The following CDK14 variants were observed in gnomAD, a reference collection of about 807,000 sequenced individuals.
CDK14 encodes cyclin-dependent kinase 14.
CDK14 carries 34 observed loss-of-function variants against 60.7 expected under a neutral mutation model. The ratio of observed to expected loss-of-function variants is 0.56; its 90% CI spans 0.43 to 0.75. CDK14 has a LOEUF of 0.75. CDK14 is among the 30% of genes least tolerant of loss of function. The probability of loss-of-function intolerance (pLI) is 0.00; values close to 1 mark genes in which losing one functional copy is unlikely to be tolerated. For missense variants in CDK14, 482 were observed against 564.1 expected, an observed-to-expected ratio of 0.85 and a Z score of 1.47; for synonymous variants, 197 against 203.7, an observed-to-expected ratio of 0.97 and a Z score of 0.28.
chr7:91,071,570 G>C (rs535064742), intron 11 of CDK14, among the ~76,000 whole-genome samples: 220 of 152,344 alleles, frequency 1.4e-3, no homozygotes, highest in African/African-American at 5.1e-3. Context: ...TGCCACCGGG[G>C]CCTAGGGTCC....
At chr7:90,863,668 A>ATTG (rs549142223) in intron 6 of CDK14, among the ~76,000 whole-genome samples, 2 of 48,848 alleles carry the variant, frequency 4.1e-5, no homozygotes. Flanking sequence ...GCTTATTAAG[A>ATTG]TATGTGTGTG....
chr7:91,182,169 C>A (rs1324415532), intron 14 of CDK14, among the ~76,000 whole-genome samples: 1 of 152,104 alleles, frequency 6.6e-6, no homozygotes, highest in African/African-American at 2.4e-5. Flanking sequence ...ACACTAGCCT[C>A]AGAATGGCAA....
At chr7:91,180,018 C>G (rs1403169651) in intron 14 of CDK14, among the ~76,000 whole-genome samples, 1 of 152,046 alleles carries the variant, frequency 6.6e-6, no homozygotes, top group Non-Finnish European at 1.5e-5. Flanking sequence ...TAAATCAAGA[C>G]ATTCCAGAAA....
At chr7:90,715,396 T>A (rs7810915) in intron 2 of CDK14, among the ~76,000 whole-genome samples, 1,979 of 152,200 alleles carry the variant, frequency 0.013, 51 homozygotes, top group African/African-American at 0.045. Flanking sequence ...TCTATGAATC[T>A]GAGATCAGCC....
At chr7:91,189,038 T>C (rs1287717052) in intron 14 of CDK14, among the ~76,000 whole-genome samples, 1 of 152,232 alleles carries the variant, frequency 6.6e-6, no homozygotes, top group Non-Finnish European at 1.5e-5. Flanking sequence ...TAGCATATTA[T>C]CTTTTTCCTC....
intron 10 of CDK14, among the ~76,000 whole-genome samples, chr7:91,013,710 T>C (rs1021942162): frequency 6.7e-5 from 10 of 149,256 alleles, no homozygotes; most frequent in Non-Finnish European, 1.5e-4. Context: ...TGATTTACCT[T>C]AAGTTAAGAA....
chr7:90,640,559 T>C (rs985721170), intron 2 of CDK14, among the ~76,000 whole-genome samples: 1 of 152,086 alleles, frequency 6.6e-6, no homozygotes, highest in Non-Finnish European at 1.5e-5. Flanking sequence ...AAGCATACAA[T>C]GTAAATTTTA....
intron 3 of CDK14, among the ~76,000 whole-genome samples, chr7:90,735,917 T>C (rs1345998441): frequency 6.6e-6 from 1 of 152,174 alleles, no homozygotes; most frequent in Non-Finnish European, 1.5e-5. Context: ...CCCAAACGGC[T>C]GCCCAGTTTT....
rs1584767981 is a variant in CDK14 at position 90,649,312 on chromosome 7, C to CTTT, written c.123+45063_123+45064insTTT. On this transcript the variant is annotated intron_variant, in intron 2 of 14. Coordinates refer to ENST00000380050, the MANE Select transcript of CDK14 (RefSeq NM_001287135.2). ...TCTTTCTTTCTTTCTTTCTTTCTTT[C>CTTT]CTTCCTTCCTTCCTTCCTTCCTTCC... is the stretch of plus-strand genomic sequence containing the variant. Among the ~76,000 whole-genome samples the CTTT allele has an allele frequency of 9.9e-4, 36 of 36,526 alleles. 6 individuals carry two copies. Among genetic ancestry groups the CTTT allele is most frequent in the Middle Eastern group, 9.6e-3 (1 of 104 alleles). The allele number at this position is 36,526 out of a possible 152,430, so 24.0% of individuals were successfully genotyped here.
chr7:90,770,905 C>T (rs955917062), intron 4 of CDK14, among the ~76,000 whole-genome samples: 1 of 152,186 alleles, frequency 6.6e-6, no homozygotes, highest in African/African-American at 2.4e-5. Context: ...AAGTAGGCGT[C>T]ACCCTTGGCC....
At chr7:90,729,055 G>A (rs1361395168) in intron 3 of CDK14, among the ~76,000 whole-genome samples, 2 of 148,556 alleles carry the variant, frequency 1.3e-5, no homozygotes, top group African/African-American at 2.5e-5. Flanking sequence ...TTTTTCATTC[G>A]GTATGACTCT....
intron 5 of CDK14, among the ~76,000 whole-genome samples, chr7:90,814,372 T>A (rs10229439): frequency 0.44 from 66,213 of 152,076 alleles, 15,220 homozygotes; most frequent in East Asian, 0.82. Context: ...ACATTTTACA[T>A]CAGAGCTTTT....
chr7:90,889,237 AATACCTGC>A (rs1792041825), intron 6 of CDK14, among the ~76,000 whole-genome samples: 1 of 152,250 alleles, frequency 6.6e-6, no homozygotes, highest in Non-Finnish European at 1.5e-5. Context: ...TTAAAGCATG[AATACCTGC>A]ATTCCTTTTA....
intron 2 of CDK14, among the ~76,000 whole-genome samples, chr7:90,667,516 G>T (rs1255700304): frequency 6.6e-6 from 1 of 151,366 alleles, no homozygotes; most frequent in Non-Finnish European, 1.5e-5. Flanking sequence ...TTCTTTACTG[G>T]CCTCTTTCAT....
chr7:90,995,924 C>G (rs986418168), intron 10 of CDK14, among the ~76,000 whole-genome samples: 12 of 152,178 alleles, frequency 7.9e-5, no homozygotes, highest in Admixed American at 6.5e-4. Context: ...GAACTCTACT[C>G]TAAAAGATAC....
At chr7:90,609,956 C>T (rs1172667940) in intron 2 of CDK14, among the ~76,000 whole-genome samples, 1 of 152,188 alleles carries the variant, frequency 6.6e-6, no homozygotes, top group Non-Finnish European at 1.5e-5. Context: ...CTGCTTTACC[C>T]TTATTTGGTT....
chr7:90,930,680 ATTGCT>A (rs1793566431), intron 8 of CDK14, among the ~76,000 whole-genome samples: 2 of 152,064 alleles, frequency 1.3e-5, no homozygotes, highest in African/African-American at 4.8e-5. Flanking sequence ...TTGACATTAG[ATTGCT>A]TTTAGGAAGC....
intron 1 of CDK14, among the ~76,000 whole-genome samples, chr7:90,600,829 A>G (rs747923265): frequency 1.3e-5 from 2 of 152,252 alleles, no homozygotes; most frequent in Non-Finnish European, 2.9e-5. Flanking sequence ...GTGTGTCTCA[A>G]AAGATACTCT....
chr7:90,763,580 T>A lies in CDK14; in HGVS notation c.464+15805T>A, dbSNP rs146953561. ...TGAACATATATTTGCTGACTCCTTT[T>A]TGGGTTAATTTCATTAGATTTTAGA... On this transcript the variant is annotated intron_variant, in intron 4 of 14. Transcript: ENST00000380050. Among the ~76,000 whole-genome samples the A allele has an allele frequency of 4.9e-3, 741 of 151,942 alleles. 3 individuals carry two copies. The highest frequency in any genetic ancestry group is 0.016 in the African/African-American group (669 of 41,432).
Sources: allele counts gnomAD v4.1 joint callset (sites outside exome capture counted in the v4.1 genomes callset), GRCh38; gene constraint gnomAD v4.1.1; transcripts MANE v1.5; gene names NCBI Gene and HGNC (gene_info 2026-07-23, HGNC 2026-07-21).